KIAA1210: variants seen among roughly 807,000 people sequenced by gnomAD.
KIAA1210 encodes the protein acrosomal protein KIAA1210.
KIAA1210 carries 48 observed loss-of-function variants against 78.9 expected under a neutral mutation model. That is an observed-to-expected ratio of 0.61 (90% CI 0.48 to 0.77). The LOEUF is 0.77. Among genes scored for constraint, KIAA1210 ranks in the 30% least tolerant of loss-of-function variants. The pLI, the probability that KIAA1210 is intolerant of heterozygous loss-of-function variation, is 0.00. For synonymous variants in KIAA1210, 406 were observed against 404.5 expected, an observed-to-expected ratio of 1.00 and a Z score of -0.04; for missense variants, 1,108 against 1,100.0, an observed-to-expected ratio of 1.01 and a Z score of -0.10.
At chrX:119,114,041 G>C (rs1196966503) in intron 3 of KIAA1210, among the ~76,000 whole-genome samples, 1 of 111,672 alleles carries the variant, frequency 9.0e-6, no homozygotes, top group African/African-American at 3.3e-5. Flanking sequence ...ACTTTAAAAT[G>C]TTTAAATGCC....
At chrX:119,137,145 G>A (rs1928931248) in intron 2 of KIAA1210, among the ~76,000 whole-genome samples, 1 of 112,722 alleles carries the variant, frequency 8.9e-6, no homozygotes, top group Middle Eastern at 4.2e-3. Flanking sequence ...GCTGTTTGAA[G>A]TGCTTCGGAT....
At chrX:119,125,157 A>G (rs1023827125) in intron 1 of KIAA1210, among the ~76,000 whole-genome samples, 1 of 111,773 alleles carries the variant, frequency 8.9e-6, no homozygotes, top group Non-Finnish European at 1.9e-5. Flanking sequence ...AACATATCAA[A>G]TAAGTATTGT....
At chrX:119,110,237 T>C (rs984504584) in intron 3 of KIAA1210, among the ~76,000 whole-genome samples, 2 of 112,395 alleles carry the variant, frequency 1.8e-5, no homozygotes, top group African/African-American at 6.5e-5. Context: ...CCAAACACTG[T>C]ATCAATAGAA....
chrX:119,129,218 G>A (rs933871521), upstream of KIAA1210, among the ~76,000 whole-genome samples: 14 of 110,201 alleles, frequency 1.3e-4, no homozygotes, highest in Admixed American at 8.7e-4. Context: ...CTCAATAAAC[G>A]TTTGTTGAAT....
At chrX:119,086,441 A>G (rs1038384536) in intron 9 of KIAA1210, 105 bp downstream of exon 9, 25 of 785,781 alleles carry the variant, frequency 3.2e-5, no homozygotes, top group South Asian at 8.8e-5. Flanking sequence ...TCAAAGCCAC[A>G]ATTCAGTAAA....
At position 119,086,468 on chromosome X, in the gene KIAA1210, T is replaced by A. The variant is rs1927135519; in HGVS notation, c.4156+78A>T. 17 of 947,848 alleles carry A rather than the reference T, an allele frequency of 1.8e-5. No individual in the cohort carries two copies. In the South Asian group the frequency reaches 4.1e-4, roughly 23 times the overall value. 78.1% of individuals were successfully genotyped at this position (947,848 alleles called of 1,213,427 possible). A position where few individuals can be genotyped will look rare whatever the true frequency, so the allele number is the denominator to read the frequency against. Reference sequence around the variant, plus strand: ...TTCAGTAAAAGACTAGAATAGACTTTAATGCCCATTCAAGGCTTTGCTTTC... The same window carrying A: ...TTCAGTAAAAGACTAGAATAGACTTAAATGCCCATTCAAGGCTTTGCTTTC... On this transcript the variant is annotated intron_variant, in intron 9 of 11. Transcript: ENST00000691062.
At chrX:119,114,323 T>G (rs1928183264) in intron 3 of KIAA1210, among the ~76,000 whole-genome samples, 1 of 111,967 alleles carries the variant, frequency 8.9e-6, no homozygotes, top group African/African-American at 3.2e-5. Context: ...TGCTTTTTAC[T>G]AAACTCCTAC....
intron 2 of KIAA1210, among the ~76,000 whole-genome samples, chrX:119,138,211 G>GTTTTTTTTTTTTT (rs759946882): frequency 4.2e-5 from 2 of 47,831 alleles, no homozygotes; most frequent in Non-Finnish European, 6.9e-5. Context: ...TGGTTTGGTT[G>GTTTTTTTTTTTTT]TTTTTTTTTT....
chrX:119,088,464 A>C lies in KIAA1210; in HGVS notation c.2238T>G (p.Thr746=). 1 of 1,211,282 alleles carries C rather than the reference A, an allele frequency of 8.3e-7. No homozygotes were observed. The highest frequency in any genetic ancestry group is 1.1e-6 in the Non-Finnish European group (1 of 895,272). The change falls in exon 9 of 12, where the codon ACT becomes ACG. Residue 746 remains threonine, a synonymous_variant. Coordinates refer to ENST00000691062, the MANE Select transcript of KIAA1210 (RefSeq NM_001394962.1). ...AACTGGTGGGGACTTGTTGCTGAAC[A>C]GTAGGATTCATAATGGGCTGAGAAG... ...RCPSQPIMNP[T]VQQQVPTSSV...
chrX:119,150,810 C>T (rs1279247826), upstream of KIAA1210, among the ~76,000 whole-genome samples: 2 of 112,768 alleles, frequency 1.8e-5, no homozygotes, highest in African/African-American at 3.2e-5. Flanking sequence ...GGTCATTCCT[C>T]GCCGCCCGTT....
rs1353893138 is a variant in KIAA1210, at chrX:119,080,234, A to C, written c.*1095T>G. ...CCAGAGGAGTAAGATAATTCCCAAG[A>C]AGCATTCTGCGTCATAGGGAGGTGC... is the stretch of plus-strand genomic sequence containing the variant. On this transcript the variant is annotated 3_prime_UTR_variant, in exon 12 of 12. Transcript: ENST00000691062. 1.8e-5 allele frequency: 2 copies of C among 111,943 alleles called. No individual in the cohort carries two copies. The highest frequency in any genetic ancestry group is 3.8e-5 in the Non-Finnish European group (2 of 53,175). 9.2% of individuals were successfully genotyped at this position (111,943 alleles called of 1,213,427 possible).
chrX:119,096,431 C>A, intron 7 of KIAA1210, 63 bp downstream of exon 7: 1 of 1,020,134 alleles, frequency 9.8e-7, no homozygotes, highest in Non-Finnish European at 1.3e-6. Context: ...TAGTAGTTTG[C>A]AAAGGTTGGA....
intron 2 of KIAA1210, among the ~76,000 whole-genome samples, chrX:119,137,948 C>G (rs1386217403): frequency 9.0e-6 from 1 of 111,649 alleles, no homozygotes; most frequent in Non-Finnish European, 1.9e-5. Flanking sequence ...GTGTCCATAA[C>G]ACATGGCAAA....
intron 1 of KIAA1210, among the ~76,000 whole-genome samples, chrX:119,125,518 G>A (rs766226226): frequency 4.8e-5 from 5 of 104,152 alleles, no homozygotes; most frequent in South Asian, 4.5e-4. Flanking sequence ...GAAGCATGTC[G>A]GTTGATAATC....
chrX:119,150,816 C>A (rs1332824351), upstream of KIAA1210, among the ~76,000 whole-genome samples: 1 of 112,798 alleles, frequency 8.9e-6, no homozygotes, highest in African/African-American at 3.2e-5. Context: ...TCCTCGCCGC[C>A]CGTTTTTGCG....
chrX:119,104,331 C>T (rs1337698547), intron 6 of KIAA1210, among the ~76,000 whole-genome samples: 1 of 112,186 alleles, frequency 8.9e-6, no homozygotes, highest in Non-Finnish European at 1.9e-5. Flanking sequence ...AGGGCTGCTT[C>T]ACTTCATAGG....
In KIAA1210 at chrX:119,081,355, T is replaced by C. The variant is rs1185095111; in HGVS notation, c.4576A>G (p.Ser1526Gly). The change falls in exon 12 of 12, where the codon AGC (serine) becomes GGC (glycine). Residue 1526 changes from serine (S) to glycine (G), a missense_variant. Physicochemically the swap from Ser to Gly is moderately conservative, Grantham distance 56 (BLOSUM62 0). Transcript: ENST00000691062. ...TATTGCGTGATTTCTGCCATGTGGC[T>C]CCATGCTTTGGCTTTCTTCCTGGCC... ...SLARKKAKAW[S>G]HMAEITQ 8.3e-7 allele frequency: 1 copy of C among 1,205,545 alleles called. No homozygotes were observed. The highest frequency in any genetic ancestry group is 1.1e-6 in the Non-Finnish European group (1 of 892,776).
intron 2 of KIAA1210, among the ~76,000 whole-genome samples, chrX:119,118,546 C>CA (rs1928348625): frequency 8.9e-6 from 1 of 112,026 alleles, no homozygotes; most frequent in Admixed American, 9.4e-5. Context: ...GAATGTCTGG[C>CA]AAAAAACACT....
rs146586506 is a variant in KIAA1210, at chrX:119,147,874, G to A, written c.290-281C>T. On this transcript the variant is annotated intron_variant, in intron 1 of 13. Transcript: ENST00000402510. The stretch of plus-strand genomic sequence containing the variant: ...AACAAAGTTGCCCTGGGCTAGGCAC[G>A]GTGGTTCATGCCCGTAATCCCAGGC... 5.7e-4 allele frequency among the ~76,000 whole-genome samples: 64 copies of A among 112,389 alleles called. No individual in the cohort carries two copies. In the East Asian group the frequency reaches 0.014, roughly 24 times the overall value.
Sources: allele counts gnomAD v4.1 joint callset (sites outside exome capture counted in the v4.1 genomes callset), GRCh38; gene constraint gnomAD v4.1.1; transcripts MANE v1.5; gene names NCBI Gene and HGNC (gene_info 2026-07-23, HGNC 2026-07-21).